ARHGAP26: variants seen among roughly 807,000 people sequenced by gnomAD.
The protein encoded by ARHGAP26 is rho GTPase-activating protein 26.
Under a neutral mutation model 104.8 loss-of-function variants are expected in ARHGAP26, and 38 were observed. The ratio of observed to expected loss-of-function variants is 0.36; its 90% CI spans 0.28 to 0.48. The LOEUF is 0.48. Ranked by LOEUF, ARHGAP26 falls within the 20% of genes least tolerant of loss-of-function variation. ARHGAP26 has a pLI of 0.99. For missense variants in ARHGAP26, 704 were observed against 947.9 expected (o/e 0.74, Z 3.38); for synonymous variants, 341 against 340.0 (o/e 1.00, Z -0.03).
intron 20 of ARHGAP26, chr5:143,170,586 G>T (rs982246617): frequency 5.9e-5 from 9 of 152,236 alleles, no homozygotes; most frequent in Non-Finnish European, 1.2e-4. Context: ...TAATGACAAT[G>T]ATAATTCACA....
chr5:142,779,329 C>A (rs1197755935), intron 1 of ARHGAP26, among the ~76,000 whole-genome samples: 1 of 152,078 alleles, frequency 6.6e-6, no homozygotes, highest in Non-Finnish European at 1.5e-5. Flanking sequence ...GCTCATTTCA[C>A]CTTGATTGGA....
chr5:142,880,218 C>T lies in ARHGAP26; in HGVS notation c.384+773C>T, dbSNP rs533459732. 4.6e-5 allele frequency among the ~76,000 whole-genome samples: 7 copies of T among 152,266 alleles called. No individual in the cohort carries two copies. The South Asian group carries it at 1.5e-3, about 32-fold the overall frequency. On this transcript the variant is annotated intron_variant, in intron 4 of 22. Transcript: ENST00000645722. ...GTGGATTCTCCAGGGCTCCTTTGCCCTGTAATAAATCACTAGGAGGGCTGG... is the reference window on the plus strand; with the variant it reads ...GTGGATTCTCCAGGGCTCCTTTGCCTTGTAATAAATCACTAGGAGGGCTGG...
At chr5:143,086,694 T>G (rs1278629817) in intron 17 of ARHGAP26, among the ~76,000 whole-genome samples, 2 of 152,198 alleles carry the variant, frequency 1.3e-5, no homozygotes, top group Non-Finnish European at 2.9e-5. Flanking sequence ...TTTTCTGTCT[T>G]TCTTAGCACT....
At chr5:142,901,282 C>T (rs768634469) in intron 6 of ARHGAP26, among the ~76,000 whole-genome samples, 4 of 152,130 alleles carry the variant, frequency 2.6e-5, no homozygotes, top group Non-Finnish European at 5.9e-5. Flanking sequence ...ACCTTTTAGC[C>T]TGAGGGATTT....
intron 9 of ARHGAP26, among the ~76,000 whole-genome samples, chr5:142,911,330 G>A (rs1011706276): frequency 6.6e-6 from 1 of 152,096 alleles, no homozygotes; most frequent in African/African-American, 2.4e-5. Flanking sequence ...TGGGCTTCTA[G>A]CCACACCAGC....
intron 14 of ARHGAP26, among the ~76,000 whole-genome samples, chr5:143,043,378 T>C (rs1783755786): frequency 6.6e-6 from 1 of 152,240 alleles, no homozygotes; most frequent in South Asian, 2.1e-4. Context: ...CATGTATTAA[T>C]AGTTCTTTTT....
intron 20 of ARHGAP26, among the ~76,000 whole-genome samples, chr5:143,180,256 G>C (rs1171461924): frequency 6.6e-6 from 1 of 152,148 alleles, no homozygotes; most frequent in Non-Finnish European, 1.5e-5. Flanking sequence ...CTCCCAAGGG[G>C]CTGGGACTAC....
At chr5:142,856,446 G>T (rs763820626) in intron 1 of ARHGAP26, among the ~76,000 whole-genome samples, 15 of 152,224 alleles carry the variant, frequency 9.9e-5, no homozygotes, top group Non-Finnish European at 2.1e-4. Flanking sequence ...AGTGTTGAAA[G>T]AGCAAGGTTT....
chr5:143,091,207 C>T (rs954123371), intron 17 of ARHGAP26, among the ~76,000 whole-genome samples: 26 of 152,278 alleles, frequency 1.7e-4, no homozygotes, highest in African/African-American at 5.8e-4. Flanking sequence ...ATCCGCTTTC[C>T]GCTGTATGAA....
At position 142,900,091 on chromosome 5, in the gene ARHGAP26, A is replaced by G. The variant is rs1412248516; in HGVS notation, c.598-1844A>G. ...AGGCGATGGGGCAGGGCATTTGCAG[A>G]TAGCAGGGAGAGCAGAGTTAAGAAG... On this transcript the variant is annotated intron_variant, in intron 6 of 22. Coordinates refer to ENST00000645722, the MANE Select transcript of ARHGAP26 (RefSeq NM_001135608.3). Among the ~76,000 whole-genome samples, 3 of 152,234 alleles carry G rather than the reference A, an allele frequency of 2.0e-5. No individual in the cohort carries two copies. In the East Asian group the frequency reaches 5.8e-4, roughly 29 times the overall value.
chr5:142,844,522 G>T (rs1185355320), intron 1 of ARHGAP26, among the ~76,000 whole-genome samples: 1 of 151,768 alleles, frequency 6.6e-6, no homozygotes. Flanking sequence ...TTCAATTTCA[G>T]AGGGTTCAGG....
intron 19 of ARHGAP26, among the ~76,000 whole-genome samples, chr5:143,134,537 C>T (rs991573892): frequency 6.6e-6 from 1 of 152,176 alleles, no homozygotes; most frequent in African/African-American, 2.4e-5. Flanking sequence ...AGGGTGGGAC[C>T]TTGTACGGCT....
intron 12 of ARHGAP26, among the ~76,000 whole-genome samples, chr5:143,034,300 T>C (rs1384200794): frequency 6.6e-6 from 1 of 152,192 alleles, no homozygotes; most frequent in African/African-American, 2.4e-5. Flanking sequence ...TGTACACAGA[T>C]GTTCATAGTA....
chr5:142,866,685 G>T (rs942712328), intron 1 of ARHGAP26: 1 of 152,112 alleles, frequency 6.6e-6, no homozygotes, highest in African/African-American at 2.4e-5. Flanking sequence ...TAGTGCTCTG[G>T]TTGGAAAAAC....
At chr5:142,840,551 G>C (rs1770565586) in intron 1 of ARHGAP26, among the ~76,000 whole-genome samples, 1 of 152,190 alleles carries the variant, frequency 6.6e-6, no homozygotes, top group Admixed American at 6.5e-5. Flanking sequence ...AAGACAGACA[G>C]TAAACAAGAA....
intron 2 of ARHGAP26, among the ~76,000 whole-genome samples, chr5:142,874,187 A>G (rs1289319900): frequency 6.6e-6 from 1 of 151,830 alleles, no homozygotes; most frequent in Non-Finnish European, 1.5e-5. Context: ...GTGTTGCTTC[A>G]CTCTTCACCA....
chr5:142,805,462 A>G (rs1762828047), intron 1 of ARHGAP26, among the ~76,000 whole-genome samples: 1 of 152,200 alleles, frequency 6.6e-6, no homozygotes, highest in East Asian at 1.9e-4. Context: ...CTTTTTGGCT[A>G]TTATGTATGT....
At chr5:142,881,956 C>T (rs142303938) in intron 4 of ARHGAP26, among the ~76,000 whole-genome samples, 4 of 152,320 alleles carry the variant, frequency 2.6e-5, no homozygotes, top group Non-Finnish European at 4.4e-5. Flanking sequence ...GATTCTTGGG[C>T]ATTCTTATGC....
chr5:142,937,802 A>G (rs949509247), intron 11 of ARHGAP26, among the ~76,000 whole-genome samples: 1 of 152,154 alleles, frequency 6.6e-6, no homozygotes, highest in African/African-American at 2.4e-5. Flanking sequence ...AAAAAAATAT[A>G]CTTTAATTTT....
Sources: allele counts gnomAD v4.1 joint callset (sites outside exome capture counted in the v4.1 genomes callset), GRCh38; gene constraint gnomAD v4.1.1; transcripts MANE v1.5; gene names NCBI Gene and HGNC (gene_info 2026-07-23, HGNC 2026-07-21).